Variants in SIGLEC11 observed in about 807,000 individuals in gnomAD.
SIGLEC11 encodes the protein sialic acid binding Ig like lectin 11, also known as sialic acid-binding Ig-like lectin 11.
A neutral mutation model predicts 61.2 loss-of-function variants in SIGLEC11; 47 were observed. The observed-to-expected ratio is 0.77, with a 90% confidence interval of 0.61 to 0.98. The LOEUF (loss-of-function observed/expected upper bound fraction) is 0.98. Ranked by LOEUF, SIGLEC11 falls within the 50% of genes least tolerant of loss-of-function variation. SIGLEC11 has a pLI of 0.00. For synonymous variants in SIGLEC11, 278 were observed against 373.1 expected, an observed-to-expected ratio of 0.75 and a Z score of 2.94; for missense variants, 610 against 870.3, an observed-to-expected ratio of 0.70 and a Z score of 3.76.
Position 49,951,830 on chromosome 19 carries a change from C to T in SIGLEC11, c.1830+61G>A. 2.1e-6 allele frequency: 3 copies of T among 1,416,318 alleles called. No individual in the cohort carries two copies. In the South Asian group the frequency reaches 4.1e-5, roughly 20 times the overall value. 87.7% of individuals were successfully genotyped at this position (1,416,318 alleles called of 1,614,324 possible). A position where few individuals can be genotyped will look rare whatever the true frequency, so the allele number is the denominator to read the frequency against. ...TTCTGCAAGTCACCAAGAGGACTAC[C>T]CATGGCCATCAAGGAAAGGGGAACA... On this transcript the variant is annotated intron_variant, in intron 10 of 10. Transcript: ENST00000447370. This position sits in a 1 kb window ranked among gnomAD's most constrained non-coding sequence, Gnocchi z 4.6.
Position 49,955,939 on chromosome 19 carries a change from A to G in SIGLEC11, c.1651+2344T>C, listed in dbSNP as rs1005927875. Among the ~76,000 whole-genome samples the G allele has an allele frequency of 1.3e-4, 20 of 151,714 alleles. No homozygotes were observed. The highest frequency in any genetic ancestry group is 6.9e-3 in the Middle Eastern group (2 of 290). On this transcript the variant is annotated intron_variant, in intron 8 of 10. Transcript: ENST00000447370. The surrounding 1 kb of genome is among the most constrained non-coding windows in gnomAD (Gnocchi z 4.5). ...AACAGAGCGAGACTCCGTCTCAAAA[A>G]AAAAAAAAAAAAGAACTTGTACTTA...
chr19:49,952,926 C>G (rs182959566), intron 8 of SIGLEC11, among the ~76,000 whole-genome samples: 3 of 152,308 alleles, frequency 2.0e-5, no homozygotes, highest in Admixed American at 6.5e-5. Context: ...ATAAAAACCT[C>G]GCTCTGTCTT....
Position 49,955,330 on chromosome 19 carries a change from A to AG in SIGLEC11, c.1652-2937_1652-2936insC. 6.6e-6 allele frequency among the ~76,000 whole-genome samples: 1 copy of AG among 152,072 alleles called. No individual in the cohort carries two copies. Among genetic ancestry groups the AG allele is most frequent in the Non-Finnish European group, 1.5e-5 (1 of 67,972 alleles). ...AAAAAAAGCCAAAAAAAAAAAAAAA[A>AG]AGAAAGGCATAATTCTTACAACTTG... On this transcript the variant is annotated intron_variant, in intron 8 of 10. Transcript: ENST00000447370. This position sits in a 1 kb window ranked among gnomAD's most constrained non-coding sequence, Gnocchi z 4.5.
At position 49,949,869 on chromosome 19, in the gene SIGLEC11, C is replaced by G. The variant is rs1297611484; in HGVS notation, c.*101G>C. 8 of 1,212,030 alleles carry G rather than the reference C, an allele frequency of 6.6e-6. No individual in the cohort carries two copies. Among genetic ancestry groups the G allele is most frequent in the Non-Finnish European group, 6.4e-6 (6 of 941,654 alleles). The allele number at this position is 1,212,030 out of a possible 1,614,324, so 75.1% of individuals were successfully genotyped here. A position where few individuals can be genotyped will look rare whatever the true frequency, so the allele number is the denominator to read the frequency against. On this transcript the variant is annotated 3_prime_UTR_variant, in exon 11 of 11. Transcript: ENST00000447370. The stretch of plus-strand genomic sequence containing the variant: ...AAAAAGTATAATCTTCAAACTCAAG[C>G]TCTTCATTGGGGATGGGGCTGAAAT...
In SIGLEC11 at chr19:49,955,314, C is replaced by CAA. The variant is rs71180665; in HGVS notation, c.1652-2922_1652-2921dup. Among the ~76,000 whole-genome samples, 25,655 of 102,262 alleles carry CAA rather than the reference C, an allele frequency of 0.25. 2,767 individuals carry two copies. The highest frequency in any genetic ancestry group is 0.31 in the Non-Finnish European group (15,073 of 49,024). The allele number at this position is 102,262 out of a possible 152,430, so 67.1% of individuals were successfully genotyped here. On this transcript the variant is annotated intron_variant, in intron 8 of 10. Transcript: ENST00000447370. This position sits in a 1 kb window ranked among gnomAD's most constrained non-coding sequence, Gnocchi z 4.5. The stretch of plus-strand genomic sequence containing the variant: ...CGGGGACTGGCCCCAGAAAAAAAGC[C>CAA]AAAAAAAAAAAAAAAAAGAAAGGCA...
rs1422297691 is a variant in SIGLEC11 at position 49,949,052 on chromosome 19, A to C, written c.*918T>G. On this transcript the variant is annotated 3_prime_UTR_variant, in exon 11 of 11. Coordinates refer to ENST00000447370, the MANE Select transcript of SIGLEC11 (RefSeq NM_052884.3). The stretch of plus-strand genomic sequence containing the variant: ...GTTGCCCAGGCTGGAGTGCAGTGGG[A>C]CGATCTCGGCTCACTGCAACCTCCA... 4.6e-5 allele frequency: 7 copies of C among 151,758 alleles called. No homozygotes were observed. The highest frequency in any genetic ancestry group is 8.8e-5 in the Non-Finnish European group (6 of 67,930). The allele number at this position is 151,758 out of a possible 1,614,324, so 9.4% of individuals were successfully genotyped here. A position where few individuals can be genotyped will look rare whatever the true frequency, so the allele number is the denominator to read the frequency against.
Position 49,955,464 on chromosome 19 carries a change from A to G in SIGLEC11, c.1651+2819T>C, listed in dbSNP as rs1356405761. Among the ~76,000 whole-genome samples, 1 of 152,176 alleles carries G rather than the reference A, an allele frequency of 6.6e-6. No homozygotes were observed. Among genetic ancestry groups the G allele is most frequent in the Non-Finnish European group, 1.5e-5 (1 of 68,020 alleles). ...TAAGTGTGAAAAAGGAAAAAAGAAA[A>G]ATCAGAAAGAAACAGTAAAGATAGA... On this transcript the variant is annotated intron_variant, in intron 8 of 10. Transcript: ENST00000447370. This position sits in a 1 kb window ranked among gnomAD's most constrained non-coding sequence, Gnocchi z 4.5.
At position 49,958,629 on chromosome 19, in the gene SIGLEC11, T is replaced by G. The variant is rs1477757466; in HGVS notation, c.1363+14A>C. The G allele has an allele frequency of 6.3e-7, 1 of 1,576,938 alleles. No homozygotes were observed. ...CCCTTCCTGGGACCCAGGTGTCCCC[T>G]TTCCCCCACTCACAGTGCACGGAGA... On this transcript the variant is annotated intron_variant, in intron 7 of 10. Coordinates refer to ENST00000447370, the MANE Select transcript of SIGLEC11 (RefSeq NM_052884.3).
intron 8 of SIGLEC11, among the ~76,000 whole-genome samples, chr19:49,953,438 G>A (rs2076173444): frequency 6.6e-6 from 1 of 152,128 alleles, no homozygotes; most frequent in Non-Finnish European, 1.5e-5. Flanking sequence ...CACAGGATGT[G>A]AGAATGGTTT....
At chr19:49,954,430 A>G (rs1171808925) in intron 8 of SIGLEC11, among the ~76,000 whole-genome samples, 1 of 152,212 alleles carries the variant, frequency 6.6e-6, no homozygotes, top group Non-Finnish European at 1.5e-5. Flanking sequence ...GCTGTCTCAG[A>G]TCTGGCCGTG....
chr19:49,958,219 C>G, intron 8 of SIGLEC11, 64 bp downstream of exon 8: 4 of 1,593,030 alleles, frequency 2.5e-6, no homozygotes, highest in Non-Finnish European at 3.4e-6. Context: ...CAACCTTGAA[C>G]CTTCATCTTT....
In SIGLEC11 at chr19:49,952,279, C is replaced by A. The variant is rs1237083581; in HGVS notation, c.1748+19G>T. The A allele has an allele frequency of 6.2e-6, 10 of 1,609,774 alleles. No individual in the cohort carries two copies. The East Asian group carries it at 2.2e-4, about 36-fold the overall frequency. On this transcript the variant is annotated intron_variant, in intron 9 of 10. Coordinates refer to ENST00000447370, the MANE Select transcript of SIGLEC11 (RefSeq NM_052884.3). ...CTCACCCTTCCCACACCCTGCATTG[C>A]CTGCCCTCCGATGCTTACCTGAAGA...
Position 49,951,962 on chromosome 19 carries a change from A to C in SIGLEC11, c.1759T>G (p.Cys587Gly). The C allele has an allele frequency of 6.2e-7, 1 of 1,610,606 alleles. No homozygotes were observed. Among genetic ancestry groups the C allele is most frequent in the Middle Eastern group, 1.7e-4 (1 of 6,050 alleles). Reference protein sequence around the residue: ...SCLVVFRVKICRKEARKRAAA... With the variant: ...SCLVVFRVKIGRKEARKRAAA... Reference sequence around the variant, plus strand: ...GCCCTCTTGCGAGCTTCCTTCCTGCAGATCTTCACCCTGAGGGAGGAGGCA... The same window carrying C: ...GCCCTCTTGCGAGCTTCCTTCCTGCCGATCTTCACCCTGAGGGAGGAGGCA... Residue 587 changes from cysteine (C) to glycine (G), a missense_variant, in exon 10 of 11, where the codon TGC becomes GGC. This residue lies in a region of SIGLEC11 where 432 missense variants were observed against 441.5 expected (regional missense o/e 0.98). Transcript: ENST00000447370. The surrounding 1 kb of genome is among the most constrained non-coding windows in gnomAD (Gnocchi z 4.6).
intron 8 of SIGLEC11, among the ~76,000 whole-genome samples, chr19:49,953,504 ATTAGGAAC>A (rs1282194288): frequency 6.6e-6 from 1 of 152,176 alleles, no homozygotes; most frequent in Non-Finnish European, 1.5e-5. Context: ...TACCACCCTA[ATTAGGAAC>A]TTAGGAACTG....
At chr19:49,958,094 ATCC>A (rs571148531) in intron 8 of SIGLEC11, among the ~76,000 whole-genome samples, 186 bp downstream of exon 8, 87 of 152,296 alleles carry the variant, frequency 5.7e-4, no homozygotes, top group African/African-American at 1.2e-3. Flanking sequence ...TAAATAAACA[ATCC>A]TCCTGTTCTC....
Position 49,950,103 on chromosome 19 carries a change from C to T in SIGLEC11, c.1964G>A (p.Trp655Ter), listed in dbSNP as rs2076149344. 5.6e-6 allele frequency: 9 copies of T among 1,612,596 alleles called. 1 individual carries two copies. The East Asian group carries it at 1.6e-4, about 28-fold the overall frequency. ...ASLSFQGLRL[W>*]EPADQEAPST... is the part of the protein sequence containing the mutation. ...GGGGGCCTCCTGGTCCGCAGGCTCC[C>T]AGAGCCTCAGGCCCTGGAAGCTGAG... Residue 655 changes from tryptophan (W) to a stop codon, truncating the protein, a stop_gained, in exon 11 of 11, where the codon TGG becomes TAG. Coordinates refer to ENST00000447370, the MANE Select transcript of SIGLEC11 (RefSeq NM_052884.3). LOFTEE classifies it low-confidence loss of function (END_TRUNC).
chr19:49,954,195 C>T (rs1451532566), intron 8 of SIGLEC11, among the ~76,000 whole-genome samples: 2 of 152,070 alleles, frequency 1.3e-5, no homozygotes, highest in African/African-American at 4.8e-5. Context: ...CCGACTGACA[C>T]GAAGTTAAAA....
chr19:49,958,644 G>A lies in SIGLEC11; in HGVS notation c.1362C>T (p.His454=). 2 of 1,591,196 alleles carry A rather than the reference G, an allele frequency of 1.3e-6. No homozygotes were observed. Among genetic ancestry groups the A allele is most frequent in the Admixed American group, 1.7e-5 (1 of 57,370 alleles). ...SQHVSLSLSV[H]YPPQLLGPSC... ...AGGTGTCCCCTTTCCCCCACTCACA[G>A]TGCACGGAGAGGCTGAGAGAGACGT... is the stretch of plus-strand genomic sequence containing the variant. The change falls in exon 7 of 11, where the codon CAC becomes CAT. Residue 454 remains histidine, a splice_region_variant and synonymous_variant. Coordinates refer to ENST00000447370, the MANE Select transcript of SIGLEC11 (RefSeq NM_052884.3).
chr19:49,960,735 G>C lies in SIGLEC11; in HGVS notation c.277C>G (p.Arg93Gly), dbSNP rs1430835081. The change falls in exon 2 of 11, where the codon CGA (arginine) becomes GGA (glycine). Residue 93 changes from arginine to glycine, a missense_variant. Arg to Gly is a moderately radical substitution (Grantham distance 125). Coordinates refer to ENST00000447370, the MANE Select transcript of SIGLEC11 (RefSeq NM_052884.3). ...TCCCGGGTGCTCATTTCCACCTCTC[G>C]ACTCTGGTTGTTAGTGGCCACAGGA... ...GAPVATNNQS[R>G]EVEMSTRDRF... 1.2e-6 allele frequency: 2 copies of C among 1,613,040 alleles called. No homozygotes were observed. Among genetic ancestry groups the C allele is most frequent in the Non-Finnish European group, 8.5e-7 (1 of 1,179,952 alleles).
Sources: gnomAD v4.1 joint callset for allele counts (sites outside exome capture counted in the v4.1 genomes callset) on GRCh38, gnomAD v4.1.1 for gene constraint, gnomAD v4.1.1 regional missense constraint, Gnocchi (gnomAD v3.1) non-coding constraint, MANE v1.5 for transcripts, NCBI Gene and HGNC (gene_info 2026-07-23, HGNC 2026-07-21) for gene names.